POR: variants seen among roughly 807,000 people sequenced by gnomAD.
POR encodes the protein cytochrome p450 oxidoreductase.
POR carries 56 observed loss-of-function variants against 84.0 expected under a neutral mutation model. That is an observed-to-expected ratio of 0.67 (90% CI 0.54 to 0.83). The LOEUF (loss-of-function observed/expected upper bound fraction) is 0.83, where lower values mean the gene tolerates loss of function less well. POR is among the 40% of genes least tolerant of loss of function. The pLI is 0.00. For synonymous variants in POR, 414 were observed against 400.5 expected (o/e 1.03, Z -0.40); for missense variants, 938 against 944.3 (o/e 0.99, Z 0.09).
intron 1 of POR, among the ~76,000 whole-genome samples, chr7:75,951,727 A>G (rs1029982529): frequency 2.6e-5 from 4 of 152,222 alleles, no homozygotes; most frequent in African/African-American, 9.6e-5. Flanking sequence ...AGTCGGTCAT[A>G]TCCATGATTG....
chr7:75,929,291 T>A (rs1311877134), intron 1 of POR, among the ~76,000 whole-genome samples: 1 of 152,046 alleles, frequency 6.6e-6, no homozygotes, highest in Non-Finnish European at 1.5e-5. Flanking sequence ...TGAGACCGAG[T>A]CTGGCTCTAT....
At chr7:75,959,888 C>T (rs575031082) in intron 2 of POR, among the ~76,000 whole-genome samples, 76 of 152,282 alleles carry the variant, frequency 5.0e-4, no homozygotes, top group African/African-American at 1.7e-3. Context: ...TTATCCCTCC[C>T]GGGGAGGTCT....
chr7:75,934,972 C>G (rs1807595301), intron 1 of POR, among the ~76,000 whole-genome samples: 1 of 152,126 alleles, frequency 6.6e-6, no homozygotes, highest in Non-Finnish European at 1.5e-5. Flanking sequence ...AGGCCCCATA[C>G]AGAGTTCTCA....
chr7:75,964,983 C>CTCCA (rs1325489933), intron 2 of POR, among the ~76,000 whole-genome samples: 1 of 152,154 alleles, frequency 6.6e-6, no homozygotes, highest in Non-Finnish European at 1.5e-5. Context: ...CGCCACTGCA[C>CTCCA]TCCAGCCTGG....
At chr7:75,915,289 GT>G (rs1554547919) in intron 1 of POR, 110 bp downstream of exon 1, 1 of 152,738 alleles carries the variant, frequency 6.5e-6, no homozygotes, top group Non-Finnish European at 1.5e-5. Flanking sequence ...CTGCGTCGGG[GT>G]GGGCCCTCGG....
At chr7:75,955,884 A>C (rs1554553692) in intron 2 of POR, among the ~76,000 whole-genome samples, 1 of 152,176 alleles carries the variant, frequency 6.6e-6, no homozygotes, top group Non-Finnish European at 1.5e-5. Context: ...CCGATTCCCT[A>C]TTCCAATCTG....
chr7:75,953,938 G>C, intron 1 of POR, 51 bp from the exon 2 acceptor site: 1 of 1,450,386 alleles, frequency 6.9e-7, no homozygotes, highest in Non-Finnish European at 9.3e-7. Flanking sequence ...GCCAGCCTCA[G>C]GGGCACCCTG....
At chr7:75,936,339 C>T (rs1377602268) in intron 1 of POR, among the ~76,000 whole-genome samples, 2 of 151,136 alleles carry the variant, frequency 1.3e-5, no homozygotes, top group Admixed American at 6.6e-5. Context: ...GAACCTCTGG[C>T]CTCAGCACTT....
intron 12 of POR, 131 bp downstream of exon 12, chr7:75,985,338 C>T (rs1412304721): frequency 1.1e-5 from 14 of 1,261,044 alleles, no homozygotes; most frequent in South Asian, 1.6e-5. Context: ...AGCGCAGCTC[C>T]AAATGCCTCC....
intron 3 of POR, among the ~76,000 whole-genome samples, chr7:75,974,620 G>C (rs545689284): frequency 7.0e-6 from 1 of 142,982 alleles, no homozygotes; most frequent in South Asian, 2.3e-4. Flanking sequence ...TCCACCTCCC[G>C]GGTTCAAGCA....
At chr7:75,980,520 G>C (rs782279426) in intron 5 of POR, 32 bp downstream of exon 5, 3 of 1,612,450 alleles carry the variant, frequency 1.9e-6, no homozygotes, top group African/African-American at 1.3e-5. Flanking sequence ...ATGGGCTCCC[G>C]GTGGCCTGCG....
Position 75,979,537 on chromosome 7 carries a change from C to A in POR, c.324C>A (p.Tyr108Ter), listed in dbSNP as rs782376709. The A allele has an allele frequency of 1.9e-6, 3 of 1,613,538 alleles. No homozygotes were observed. Among genetic ancestry groups the A allele is most frequent in the Admixed American group, 1.7e-5 (1 of 60,000 alleles). Residue 108 changes from tyrosine to a stop codon, truncating the protein, a stop_gained, in exon 4 of 16, where the codon TAC (tyrosine) becomes TAA (stop). Transcript: ENST00000461988. LOFTEE classifies it high-confidence loss of function. ...GCCTGTCCAAGGACGCCCACCGCTA[C>A]GGGATGCGAGGCATGTCAGCGGACC...
chr7:75,941,439 T>C (rs1807975250), intron 1 of POR, among the ~76,000 whole-genome samples: 1 of 152,140 alleles, frequency 6.6e-6, no homozygotes, highest in African/African-American at 2.4e-5. Flanking sequence ...AGAAGAAACC[T>C]GAGTCCTGGG....
chr7:75,934,128 T>A (rs1313275867), intron 1 of POR, among the ~76,000 whole-genome samples: 22 of 96,556 alleles, frequency 2.3e-4, no homozygotes, highest in African/African-American at 9.4e-4. Context: ...TCAGAGTGTG[T>A]GTGTGTGTGT....
chr7:75,954,530 T>C (rs1787596751), intron 2 of POR, among the ~76,000 whole-genome samples: 1 of 151,836 alleles, frequency 6.6e-6, no homozygotes, highest in Admixed American at 6.6e-5. Flanking sequence ...TTTTTCCATT[T>C]ATTTATTTAT....
chr7:75,940,441 A>T (rs1807923478), intron 1 of POR, among the ~76,000 whole-genome samples: 1 of 151,892 alleles, frequency 6.6e-6, no homozygotes, highest in African/African-American at 2.4e-5. Flanking sequence ...ATTTACGCAG[A>T]TTCAAAGCAG....
chr7:75,935,604 A>G (rs1454424454), intron 1 of POR, among the ~76,000 whole-genome samples: 1 of 143,428 alleles, frequency 7.0e-6, no homozygotes, highest in Non-Finnish European at 1.5e-5. Flanking sequence ...CCTTTTTCCA[A>G]GGGCTGCTCG....
At chr7:75,928,529 A>T (rs1807261361) in intron 1 of POR, among the ~76,000 whole-genome samples, 1 of 152,226 alleles carries the variant, frequency 6.6e-6, no homozygotes, top group Non-Finnish European at 1.5e-5. Context: ...GCCCTCCAGC[A>T]ATCTTCTTCC....
intron 3 of POR, among the ~76,000 whole-genome samples, chr7:75,974,015 GAT>G (rs1481800255): frequency 2.0e-5 from 3 of 151,942 alleles, no homozygotes; most frequent in Non-Finnish European, 4.4e-5. Flanking sequence ...AAAACAACTT[GAT>G]ATGTCTCAAA....
Sources: allele counts gnomAD v4.1 joint callset (sites outside exome capture counted in the v4.1 genomes callset), GRCh38; gene constraint gnomAD v4.1.1; transcripts MANE v1.5; gene names NCBI Gene and HGNC (gene_info 2026-07-23, HGNC 2026-07-21).